Variants in RPS6KA5 observed in about 807,000 individuals in gnomAD.
The protein encoded by RPS6KA5 is ribosomal protein S6 kinase alpha-5.
A neutral mutation model predicts 85.5 loss-of-function variants in RPS6KA5; 27 were observed. The ratio of observed to expected loss-of-function variants is 0.32; its 90% CI spans 0.23 to 0.44. RPS6KA5 has a LOEUF of 0.44. Among genes scored for constraint, RPS6KA5 ranks in the 20% least tolerant of loss-of-function variants. The pLI, the probability that RPS6KA5 is intolerant of heterozygous loss-of-function variation, is 1.00. For synonymous variants in RPS6KA5, 334 were observed against 348.2 expected, an observed-to-expected ratio of 0.96 and a Z score of 0.46; for missense variants, 811 against 980.9, an observed-to-expected ratio of 0.83 and a Z score of 2.31.
Position 90,872,044 on chromosome 14 carries a change from C to G in RPS6KA5, c.*30G>C, listed in dbSNP as rs1595089923. ...GGCATATGCTGAGGGAATAAAGGTG[C>G]AATGGATCACTGATACACTCCTACC... is the stretch of plus-strand genomic sequence containing the variant. On this transcript the variant is annotated 3_prime_UTR_variant, in exon 17 of 17. Coordinates refer to ENST00000614987, the MANE Select transcript of RPS6KA5 (RefSeq NM_004755.4). The G allele has an allele frequency of 1.3e-6, 2 of 1,590,924 alleles. No individual in the cohort carries two copies. The highest frequency in any genetic ancestry group is 1.4e-5 in the African/African-American group (1 of 73,476).
At chr14:90,989,189 TA>T (rs2040197206) in intron 2 of RPS6KA5, among the ~76,000 whole-genome samples, 2 of 152,178 alleles carry the variant, frequency 1.3e-5, no homozygotes, top group African/African-American at 4.8e-5. Context: ...TCATTAAACT[TA>T]TAACAACATT....
chr14:91,022,906 G>A (rs878937621), intron 1 of RPS6KA5, among the ~76,000 whole-genome samples: 4 of 152,020 alleles, frequency 2.6e-5, no homozygotes, highest in Admixed American at 2.6e-4. Flanking sequence ...CCAGCATGGT[G>A]AAACCCCATC....
chr14:90,900,157 C>T lies in RPS6KA5; in HGVS notation c.1330G>A (p.Val444Met), dbSNP rs1392660268. 7 of 1,605,666 alleles carry T rather than the reference C, an allele frequency of 4.4e-6. No homozygotes were observed. The highest frequency in any genetic ancestry group is 3.3e-4 in the Middle Eastern group (2 of 6,010). Residue 444 changes from valine to methionine, a missense_variant, in exon 11 of 17, where the codon GTG becomes ATG. By Grantham distance (21) the Val-to-Met change is conservative. Transcript: ENST00000614987. The part of the protein sequence containing the change: ...EGSFSICRKC[V>M]HKKSNQAFAV... ...AAAGCTTGGTTACTTTTTTTATGCA[C>T]ACACTTTCGACAAATTGAAAAACTA...
intron 7 of RPS6KA5, among the ~76,000 whole-genome samples, chr14:90,914,029 G>A (rs776485969): frequency 6.6e-6 from 1 of 152,214 alleles, no homozygotes; most frequent in Non-Finnish European, 1.5e-5. Flanking sequence ...AGACCAAAAT[G>A]TGTGACAGAG....
At chr14:90,890,405 A>C (rs1372217412) in intron 14 of RPS6KA5, 82 bp downstream of exon 14, 1 of 1,230,592 alleles carries the variant, frequency 8.1e-7, no homozygotes, top group Non-Finnish European at 1.1e-6. Context: ...TCATGAATGT[A>C]AGGAAACAGT....
chr14:90,894,366 A>G (rs373420636), intron 13 of RPS6KA5, 47 bp downstream of exon 13: 56 of 1,465,430 alleles, frequency 3.8e-5, no homozygotes, highest in Non-Finnish European at 4.8e-5. Context: ...GAGATCTTTA[A>G]TAATGGTGCT....
intron 14 of RPS6KA5, among the ~76,000 whole-genome samples, chr14:90,876,808 C>T (rs1488545451): frequency 6.6e-6 from 1 of 152,142 alleles, no homozygotes; most frequent in Non-Finnish European, 1.5e-5. Flanking sequence ...CAGTGTCAAC[C>T]CCAGCCCTAA....
chr14:91,056,867 C>CTTTTTTTTTTTTT lies in RPS6KA5; in HGVS notation c.103+3452_103+3464dup, dbSNP rs34807092. Among the ~76,000 whole-genome samples, 22 of 38,876 alleles carry CTTTTTTTTTTTTT rather than the reference C, an allele frequency of 5.7e-4. 5 individuals carry two copies. Among genetic ancestry groups the CTTTTTTTTTTTTT allele is most frequent in the Admixed American group, 9.5e-4 (2 of 2,110 alleles). The allele number at this position is 38,876 out of a possible 152,430, so 25.5% of individuals were successfully genotyped here. ...ACTGTTATACTTAAGGCAGTATTAT[C>CTTTTTTTTTTTTT]TTTTTTTTTTTTTTTTTTTTTTTTT... On this transcript the variant is annotated intron_variant, in intron 1 of 16. Transcript: ENST00000614987.
chr14:91,008,414 G>A (rs938622168), intron 1 of RPS6KA5, among the ~76,000 whole-genome samples: 3 of 152,226 alleles, frequency 2.0e-5, no homozygotes, highest in Non-Finnish European at 2.9e-5. Flanking sequence ...TGTGGAGTAT[G>A]TGGACATGAA....
At position 90,910,691 on chromosome 14, in the gene RPS6KA5, T is replaced by TATTA. The variant is rs1566729217; in HGVS notation, c.807-4393_807-4392insTAAT. ...TATTATTATCATTATTATTATTTTT[T>TATTA]TTTTTTTTTTTTGAGACAGAGTCTG... On this transcript the variant is annotated intron_variant, in intron 7 of 16. Coordinates refer to ENST00000614987, the MANE Select transcript of RPS6KA5 (RefSeq NM_004755.4). Among the ~76,000 whole-genome samples, 17 of 148,126 alleles carry TATTA rather than the reference T, an allele frequency of 1.1e-4. No individual in the cohort carries two copies. The South Asian group carries it at 3.4e-3, about 29-fold the overall frequency.
At chr14:90,976,832 G>GT (rs1309225067) in intron 3 of RPS6KA5, among the ~76,000 whole-genome samples, 1 of 152,048 alleles carries the variant, frequency 6.6e-6, no homozygotes, top group Non-Finnish European at 1.5e-5. Flanking sequence ...AGCATGAAGT[G>GT]TAACATCATG....
At chr14:90,881,945 A>G (rs1271818950) in intron 14 of RPS6KA5, among the ~76,000 whole-genome samples, 1 of 152,198 alleles carries the variant, frequency 6.6e-6, no homozygotes, top group Admixed American at 6.5e-5. Flanking sequence ...CCAATCTTTG[A>G]CCTTTGATTA....
In RPS6KA5 at chr14:90,866,672, C is replaced by T. The variant is rs910008981; in HGVS notation, c.*5402G>A. 6.6e-6 allele frequency: 1 copy of T among 152,192 alleles called. No homozygotes were observed. The highest frequency in any genetic ancestry group is 1.5e-5 in the Non-Finnish European group (1 of 68,040). The allele number at this position is 152,192 out of a possible 1,614,324, so 9.4% of individuals were successfully genotyped here. A position where few individuals can be genotyped will look rare whatever the true frequency, so the allele number is the denominator to read the frequency against. On this transcript the variant is annotated 3_prime_UTR_variant, in exon 17 of 17. Transcript: ENST00000614987. ...ATTTTCAAGAAGTTTAAATTCTACA[C>T]ATAAGGATACATACCATTTTTACCA...
chr14:90,964,687 G>A (rs1285394087), intron 3 of RPS6KA5, among the ~76,000 whole-genome samples: 1 of 152,084 alleles, frequency 6.6e-6, no homozygotes, highest in Non-Finnish European at 1.5e-5. Flanking sequence ...ACTGAGATGG[G>A]AGGATCACTT....
chr14:90,883,659 T>C (rs1029780620), intron 14 of RPS6KA5, among the ~76,000 whole-genome samples: 2 of 152,210 alleles, frequency 1.3e-5, no homozygotes, highest in African/African-American at 4.8e-5. Context: ...ATTTATTTTT[T>C]TGAGTGGGCC....
At position 90,860,344 on chromosome 14, in the gene RPS6KA5, G is replaced by A. The variant is rs117603869; in HGVS notation, c.*11730C>T. On this transcript the variant is annotated 3_prime_UTR_variant, in exon 17 of 17. Transcript: ENST00000614987. ...AGGTCAGGAGTTTGAGACCAGCCTC[G>A]CTAATGTGGTGAAGCCCCATCTCTA... 0.029 allele frequency: 4,387 copies of A among 152,260 alleles called. 109 individuals are homozygous for A. The highest frequency in any genetic ancestry group is 0.042 in the Non-Finnish European group (2,858 of 68,082). The allele number at this position is 152,260 out of a possible 1,614,324, so 9.4% of individuals were successfully genotyped here. A position where few individuals can be genotyped will look rare whatever the true frequency, so the allele number is the denominator to read the frequency against.
intron 2 of RPS6KA5, among the ~76,000 whole-genome samples, chr14:90,984,036 G>C (rs2039954464): frequency 6.6e-6 from 1 of 152,070 alleles, no homozygotes; most frequent in Admixed American, 6.6e-5. Context: ...GTAGAGATGG[G>C]GGTTTCACCA....
chr14:90,966,946 G>C (rs1013781210), intron 3 of RPS6KA5, among the ~76,000 whole-genome samples: 9 of 152,160 alleles, frequency 5.9e-5, no homozygotes, highest in Admixed American at 2.0e-4. Context: ...TCTTCCAAGA[G>C]ATAAATTCAG....
intron 1 of RPS6KA5, among the ~76,000 whole-genome samples, chr14:91,032,785 T>C (rs903435489): frequency 2.4e-5 from 2 of 84,988 alleles, no homozygotes; most frequent in African/African-American, 9.1e-5. Context: ...ACAGAATTCA[T>C]AGAAAAAAAA....
Sources: allele counts gnomAD v4.1 joint callset (sites outside exome capture counted in the v4.1 genomes callset), GRCh38; gene constraint gnomAD v4.1.1; transcripts MANE v1.5; gene names NCBI Gene and HGNC (gene_info 2026-07-23, HGNC 2026-07-21).